Variants in ST3GAL3 observed in about 807,000 individuals in gnomAD.
ST3GAL3 encodes the protein CMP-N-acetylneuraminate-beta-1,4-galactoside alpha-2,3-sialyltransferase.
Under a neutral mutation model 50.1 loss-of-function variants are expected in ST3GAL3, and 21 were observed. The observed-to-expected ratio is 0.42, with a 90% confidence interval of 0.30 to 0.60. ST3GAL3 has a LOEUF of 0.60. Among genes scored for constraint, ST3GAL3 ranks in the 20% least tolerant of loss-of-function variants. The pLI, the probability that ST3GAL3 is intolerant of heterozygous loss-of-function variation, is 0.19. For missense variants in ST3GAL3, 353 were observed against 489.4 expected (o/e 0.72, Z 2.63); for synonymous variants, 183 against 190.0 (o/e 0.96, Z 0.30).
chr1:43,925,871 A>T (rs557508716), intron 11 of ST3GAL3, among the ~76,000 whole-genome samples: 1 of 152,316 alleles, frequency 6.6e-6, no homozygotes, highest in Non-Finnish European at 1.5e-5. Flanking sequence ...CAGTAAGATG[A>T]GGGCTGAGAG....
intron 2 of ST3GAL3, among the ~76,000 whole-genome samples, chr1:43,756,936 G>T (rs1440490552): frequency 6.6e-6 from 1 of 151,982 alleles, no homozygotes; most frequent in South Asian, 2.1e-4. Context: ...GCAGGGTCTC[G>T]CTCTGTCACC....
At chr1:43,918,256 T>A (rs752752269) in intron 9 of ST3GAL3, among the ~76,000 whole-genome samples, 1 of 151,724 alleles carries the variant, frequency 6.6e-6, no homozygotes, top group African/African-American at 2.4e-5. Flanking sequence ...GGCGTGAGAC[T>A]ACAGGCACAC....
chr1:43,929,350 G>A (rs2084632814), intron 11 of ST3GAL3, among the ~76,000 whole-genome samples: 1 of 151,346 alleles, frequency 6.6e-6, no homozygotes, highest in Non-Finnish European at 1.5e-5. Context: ...TGTTGCCCAG[G>A]CTGGAGTGCA....
At chr1:43,773,869 C>A (rs1260732829) in intron 2 of ST3GAL3, among the ~76,000 whole-genome samples, 2 of 152,134 alleles carry the variant, frequency 1.3e-5, no homozygotes, top group African/African-American at 4.8e-5. Context: ...CATTATGTGC[C>A]TTCTGATGTG....
intron 9 of ST3GAL3, 74 bp from the exon 10 acceptor site, chr1:43,920,330 G>C: frequency 6.3e-7 from 1 of 1,597,980 alleles, no homozygotes; most frequent in Non-Finnish European, 8.6e-7. Flanking sequence ...GTCCCTACTT[G>C]GGGTCCCTGC....
chr1:43,844,224 G>A (rs1219831491), intron 5 of ST3GAL3, among the ~76,000 whole-genome samples: 1 of 152,154 alleles, frequency 6.6e-6, no homozygotes, highest in Non-Finnish European at 1.5e-5. Context: ...ACATAGGCAT[G>A]ATTCATTGCA....
At chr1:43,757,566 T>G (rs1688586531) in intron 2 of ST3GAL3, among the ~76,000 whole-genome samples, 1 of 152,188 alleles carries the variant, frequency 6.6e-6, no homozygotes, top group African/African-American at 2.4e-5. Flanking sequence ...GAAAGTATAG[T>G]CTTTTCAATA....
intron 9 of ST3GAL3, among the ~76,000 whole-genome samples, chr1:43,905,889 A>C (rs1571158819): frequency 2.2e-4 from 18 of 82,856 alleles, no homozygotes; most frequent in East Asian, 3.5e-4. Flanking sequence ...CTTTCCCGCC[A>C]CTTTTCTTCA....
chr1:43,752,584 TC>T (rs377584609), intron 2 of ST3GAL3, among the ~76,000 whole-genome samples: 86 of 152,312 alleles, frequency 5.6e-4, no homozygotes, highest in African/African-American at 2.0e-3. Flanking sequence ...CACTGCAACC[TC>T]CACCTCCTGG....
chr1:43,833,516 A>T (rs1386643592), intron 4 of ST3GAL3, among the ~76,000 whole-genome samples: 1 of 152,136 alleles, frequency 6.6e-6, no homozygotes, highest in African/African-American at 2.4e-5. Flanking sequence ...CTTTCTCAGC[A>T]TAACTCTTAA....
intron 1 of ST3GAL3, among the ~76,000 whole-genome samples, chr1:43,734,146 A>G (rs1677169163): frequency 1.3e-5 from 2 of 151,850 alleles, no homozygotes; most frequent in East Asian, 3.9e-4. Context: ...TTGTCTCTTT[A>G]TTTACTCAGA....
At chr1:43,735,988 A>G (rs1330439241) in intron 1 of ST3GAL3, among the ~76,000 whole-genome samples, 1 of 152,172 alleles carries the variant, frequency 6.6e-6, no homozygotes, top group Non-Finnish European at 1.5e-5. Context: ...AGAACTAGTC[A>G]GGGACTGGAT....
intron 3 of ST3GAL3, among the ~76,000 whole-genome samples, chr1:43,803,450 G>C (rs1208016818): frequency 1.3e-5 from 2 of 151,882 alleles, no homozygotes; most frequent in African/African-American, 4.8e-5. Context: ...TTTAAATTTA[G>C]TAATTGTTCT....
At chr1:43,825,340 T>C (rs534449430) in intron 4 of ST3GAL3, among the ~76,000 whole-genome samples, 13 of 152,340 alleles carry the variant, frequency 8.5e-5, no homozygotes, top group African/African-American at 2.9e-4. Context: ...TTTCGAACTT[T>C]CATTATGGGC....
chr1:43,918,028 T>C (rs567115477), intron 9 of ST3GAL3, among the ~76,000 whole-genome samples: 1 of 151,514 alleles, frequency 6.6e-6, no homozygotes, highest in East Asian at 2.0e-4. Flanking sequence ...AGTCAAAACG[T>C]GTCAGTCAAA....
intron 5 of ST3GAL3, among the ~76,000 whole-genome samples, chr1:43,878,870 A>T (rs1407059977): frequency 6.6e-6 from 1 of 152,238 alleles, no homozygotes; most frequent in Non-Finnish European, 1.5e-5. Flanking sequence ...CTTTTATGCT[A>T]GGCACAATTC....
At chr1:43,923,586 T>C (rs1390438527) in intron 11 of ST3GAL3, among the ~76,000 whole-genome samples, 1 of 152,128 alleles carries the variant, frequency 6.6e-6, no homozygotes, top group Non-Finnish European at 1.5e-5. Flanking sequence ...TTTCCTCATA[T>C]GATGGAAGAG....
intron 4 of ST3GAL3, among the ~76,000 whole-genome samples, chr1:43,824,043 C>T (rs1263953562): frequency 1.3e-5 from 2 of 152,166 alleles, no homozygotes; most frequent in Non-Finnish European, 2.9e-5. Flanking sequence ...GAATGTTCTG[C>T]TCACAGATAT....
intron 2 of ST3GAL3, chr1:43,738,492 G>GT (rs932716360): frequency 1.0e-3 from 147 of 142,924 alleles, no homozygotes; most frequent in African/African-American, 1.8e-3. Context: ...GGTCCTCTTT[G>GT]TTTTTTTTTT....
Sources: allele counts gnomAD v4.1 joint callset (sites outside exome capture counted in the v4.1 genomes callset), GRCh38; gene constraint gnomAD v4.1.1; transcripts MANE v1.5; gene names NCBI Gene and HGNC (gene_info 2026-07-23, HGNC 2026-07-21).